CFAP43: variants seen among roughly 807,000 people sequenced by gnomAD.
CFAP43 encodes the protein cilia and flagella associated protein 43.
CFAP43 carries 155 observed loss-of-function variants against 218.9 expected under a neutral mutation model. That is an observed-to-expected ratio of 0.71 (90% CI 0.62 to 0.81). The LOEUF (loss-of-function observed/expected upper bound fraction) is 0.81, where lower values mean the gene tolerates loss of function less well. Among genes scored for constraint, CFAP43 ranks in the 30% least tolerant of loss-of-function variants. CFAP43 has a pLI of 0.00. For missense variants in CFAP43, 1,778 were observed against 1,954.3 expected, an observed-to-expected ratio of 0.91 and a Z score of 1.70; for synonymous variants, 645 against 681.3, an observed-to-expected ratio of 0.95 and a Z score of 0.83.
intron 25 of CFAP43, 62 bp from the exon 26 acceptor site, chr10:104,162,103 C>T (rs974561835): frequency 6.6e-7 from 1 of 1,522,418 alleles, no homozygotes; most frequent in African/African-American, 1.4e-5. Context: ...CCAGGTGGCT[C>T]CAGAGGCAGC....
intron 17 of CFAP43, 111 bp downstream of exon 17, chr10:104,182,255 G>A: frequency 8.2e-7 from 1 of 1,217,144 alleles, no homozygotes; most frequent in South Asian, 1.9e-5. Flanking sequence ...GGGATACCTG[G>A]ATAAAGAGAA....
rs766608378 is a variant in CFAP43 at position 104,198,015 on chromosome 10, A to G, written c.1119T>C (p.Phe373=). ...TDKGSVYIYT[F]GKEPTLNKVL... is the part of the protein sequence containing the mutation. ...CTTTATTTAAGGTTGGCTCCTTACC[A>G]AAAGTGTAGATATAAACAGATCCCT... Residue 373 remains phenylalanine, a synonymous_variant, in exon 9 of 38, where the codon TTT becomes TTC. Transcript: ENST00000357060. 1.2e-6 allele frequency: 2 copies of G among 1,610,848 alleles called. No individual in the cohort carries two copies. The highest frequency in any genetic ancestry group is 1.3e-5 in the African/African-American group (1 of 74,868).
At chr10:104,200,188 A>T (rs1227574618) in intron 8 of CFAP43, among the ~76,000 whole-genome samples, 1 of 152,208 alleles carries the variant, frequency 6.6e-6, no homozygotes, top group Non-Finnish European at 1.5e-5. Context: ...TTGCACATAG[A>T]CATATAGCTT....
chr10:104,176,247 G>C (rs972902034), intron 19 of CFAP43, among the ~76,000 whole-genome samples: 7 of 152,124 alleles, frequency 4.6e-5, no homozygotes, highest in Non-Finnish European at 8.8e-5. Context: ...GCAGAGAAAG[G>C]ATAGTATATT....
intron 22 of CFAP43, among the ~76,000 whole-genome samples, chr10:104,167,148 T>C (rs10883974): frequency 0.22 from 33,816 of 152,172 alleles, 4,120 homozygotes; most frequent in Middle Eastern, 0.3. Context: ...TGCAAAGTTC[T>C]GACCAAAACA....
intron 24 of CFAP43, among the ~76,000 whole-genome samples, chr10:104,162,661 G>A (rs1027977183): frequency 1.2e-4 from 19 of 152,038 alleles, no homozygotes; most frequent in Non-Finnish European, 2.5e-4. Context: ...ATAGATTAAG[G>A]AGGGGAGGGA....
chr10:104,172,989 C>T (rs193123974), intron 19 of CFAP43, among the ~76,000 whole-genome samples: 1 of 152,162 alleles, frequency 6.6e-6, no homozygotes, highest in African/African-American at 2.4e-5. Context: ...ATTATTCTCT[C>T]CAATTTTGTA....
chr10:104,189,245 T>C (rs943361723), intron 12 of CFAP43, among the ~76,000 whole-genome samples: 4 of 152,016 alleles, frequency 2.6e-5, no homozygotes, highest in African/African-American at 7.3e-5. Flanking sequence ...TTGTGTCCCT[T>C]ATGGTTCCTT....
At chr10:104,166,745 A>T in intron 22 of CFAP43, 27 bp from the exon 23 acceptor site, 1 of 1,557,866 alleles carries the variant, frequency 6.4e-7, no homozygotes, top group Non-Finnish European at 8.7e-7. Context: ...ATGACACAGA[A>T]GTTATGCAAT....
At chr10:104,220,194 G>C (rs990615177) in intron 3 of CFAP43, among the ~76,000 whole-genome samples, 3 of 152,218 alleles carry the variant, frequency 2.0e-5, no homozygotes, top group Admixed American at 2.0e-4. Context: ...CAAGTGAGCA[G>C]AAGTTGGTGA....
intron 3 of CFAP43, among the ~76,000 whole-genome samples, chr10:104,219,352 C>G (rs183547391): frequency 1.8e-4 from 27 of 152,298 alleles, no homozygotes; most frequent in African/African-American, 3.9e-4. Flanking sequence ...ATGACACAGT[C>G]ATCTCTCACC....
chr10:104,132,886 A>G, intron 35 of CFAP43: 1 of 767,744 alleles, frequency 1.3e-6, no homozygotes, highest in Non-Finnish European at 1.6e-6. Context: ...GAAAATGATC[A>G]CATAGATATG....
chr10:104,158,849 AAG>A (rs1186437775), intron 27 of CFAP43, among the ~76,000 whole-genome samples: 2 of 152,114 alleles, frequency 1.3e-5, no homozygotes, highest in African/African-American at 2.4e-5. Context: ...TCAGGAGAAA[AAG>A]AGAACAAATG....
At chr10:104,158,743 T>C (rs759464883) in intron 27 of CFAP43, among the ~76,000 whole-genome samples, 7 of 152,118 alleles carry the variant, frequency 4.6e-5, no homozygotes, top group Non-Finnish European at 1.0e-4. Flanking sequence ...GTATGATAAT[T>C]TTACTGTGGT....
intron 3 of CFAP43, among the ~76,000 whole-genome samples, chr10:104,216,166 C>T (rs1219274307): frequency 6.6e-6 from 1 of 152,188 alleles, no homozygotes; most frequent in African/African-American, 2.4e-5. Context: ...TTTCCTCATC[C>T]CAGGATACCT....
chr10:104,131,210 AT>A (rs1022926130), intron 37 of CFAP43, 120 bp downstream of exon 37: 123 of 1,237,322 alleles, frequency 9.9e-5, no homozygotes, highest in South Asian at 4.6e-4. Context: ...AGTTGAAATT[AT>A]TTTAAACAAT....
At chr10:104,150,497 T>C (rs2088200223) in intron 28 of CFAP43, among the ~76,000 whole-genome samples, 2 of 152,162 alleles carry the variant, frequency 1.3e-5, no homozygotes, top group Non-Finnish European at 2.9e-5. Flanking sequence ...TTAACCCTGC[T>C]CATACCTCTG....
chr10:104,132,130 C>G lies in CFAP43; in HGVS notation c.4663G>C (p.Ala1555Pro), dbSNP rs751710032. 6.2e-7 allele frequency: 1 copy of G among 1,603,784 alleles called. No homozygotes were observed. Among genetic ancestry groups the G allele is most frequent in the East Asian group, 2.2e-5 (1 of 44,582 alleles). Residue 1555 changes from alanine (A) to proline (P), a missense_variant, in exon 36 of 38, where the codon GCT becomes CCT. Ala to Pro is a conservative substitution (Grantham distance 27, BLOSUM62 -1). Around this residue, in one of 3 missense-constraint regions of CFAP43, gnomAD observed 211 missense variants for 230.6 expected, o/e 0.91. Coordinates refer to ENST00000357060, the MANE Select transcript of CFAP43 (RefSeq NM_025145.7). Reference protein sequence around the residue: ...IQIGIMEQTIAVLDKMHKKNV... With the variant: ...IQIGIMEQTIPVLDKMHKKNV... ...TTGAGACTTACCTTATCTAAAACAG[C>G]AATGGTTTGTTCCATTATTCCAATC...
At chr10:104,152,749 G>C in intron 27 of CFAP43, 23 bp from the exon 28 acceptor site, 1 of 1,599,066 alleles carries the variant, frequency 6.3e-7, no homozygotes, top group Non-Finnish European at 8.5e-7. Context: ...CAATAGTAAA[G>C]TTAACGTTTA....
Sources: allele counts gnomAD v4.1 joint callset (sites outside exome capture counted in the v4.1 genomes callset), GRCh38; gene constraint gnomAD v4.1.1; regional missense constraint gnomAD v4.1.1; transcripts MANE v1.5; gene names NCBI Gene and HGNC (gene_info 2026-07-23, HGNC 2026-07-21).